The following SNX9 variants were observed in gnomAD, a reference collection of about 807,000 sequenced individuals.
The protein encoded by SNX9 is sorting nexin 9, also known as sorting nexin-9.
In SNX9, 44 loss-of-function variants were observed where a neutral mutation model predicts 89.4. The ratio of observed to expected loss-of-function variants is 0.49; its 90% CI spans 0.39 to 0.63. SNX9 has a LOEUF of 0.63. Among genes scored for constraint, SNX9 ranks in the 30% least tolerant of loss-of-function variants. SNX9 has a pLI of 0.00. For missense variants in SNX9, 578 were observed against 736.1 expected (o/e 0.79, Z 2.49); for synonymous variants, 236 against 247.8 (o/e 0.95, Z 0.45).
chr6:157,936,999 CAT>C (rs1301120816), intron 14 of SNX9, among the ~76,000 whole-genome samples: 1 of 152,100 alleles, frequency 6.6e-6, no homozygotes. Flanking sequence ...ATTTTAATAA[CAT>C]AGCTATTAAA....
At chr6:157,861,202 C>G (rs1782112461) in intron 1 of SNX9, among the ~76,000 whole-genome samples, 2 of 152,118 alleles carry the variant, frequency 1.3e-5, no homozygotes, top group Non-Finnish European at 2.9e-5. Flanking sequence ...GCTAGAACAA[C>G]TGTTAAAATG....
rs528372031 is a variant in SNX9, at chr6:157,896,107, A to G, written c.301-720A>G. ...GGAGTGCTCGTTCTAGATTGTAGGA[A>G]GGAGGCTGCCCAGATTCATGAATCT... is the stretch of plus-strand genomic sequence containing the variant. On this transcript the variant is annotated intron_variant, in intron 4 of 17. Transcript: ENST00000392185. Among the ~76,000 whole-genome samples, 179 of 152,318 alleles carry G rather than the reference A, an allele frequency of 1.2e-3. 2 individuals are homozygous for G. Among genetic ancestry groups the G allele is most frequent in the East Asian group, 2.7e-3 (14 of 5,192 alleles).
At chr6:157,870,704 C>T (rs1782386543) in intron 2 of SNX9, among the ~76,000 whole-genome samples, 1 of 149,288 alleles carries the variant, frequency 6.7e-6, no homozygotes, top group African/African-American at 2.5e-5. Context: ...ATAGTCTCAC[C>T]TGCTCTCATA....
In SNX9 at chr6:157,883,845, C is replaced by T. The variant is rs184984018; in HGVS notation, c.300+8669C>T. 1.2e-3 allele frequency among the ~76,000 whole-genome samples: 176 copies of T among 152,280 alleles called. 1 individual carries two copies. Among genetic ancestry groups the T allele is most frequent in the Admixed American group, 2.0e-3 (31 of 15,296 alleles). On this transcript the variant is annotated intron_variant, in intron 4 of 17. Transcript: ENST00000392185. Reference sequence around the variant, plus strand: ...TGGATTCCCTTAGCACAATTTGTGACTCTTATACAAATTATATTGCTTATT... The same window carrying T: ...TGGATTCCCTTAGCACAATTTGTGATTCTTATACAAATTATATTGCTTATT...
At chr6:157,891,088 G>C (rs1045975521) in intron 4 of SNX9, among the ~76,000 whole-genome samples, 2 of 136,532 alleles carry the variant, frequency 1.5e-5, no homozygotes, top group African/African-American at 5.6e-5. Flanking sequence ...CTGGAGTGTA[G>C]TGGTGTGAAC....
chr6:157,932,298 G>A (rs772176079), intron 13 of SNX9, 26 bp downstream of exon 13: 5 of 1,608,102 alleles, frequency 3.1e-6, no homozygotes, highest in Admixed American at 3.3e-5. Context: ...TTCATCCAGT[G>A]GGCCTTTAGA....
chr6:157,879,538 A>C (rs1583213993), intron 4 of SNX9, among the ~76,000 whole-genome samples: 1 of 152,366 alleles, frequency 6.6e-6, no homozygotes, highest in Non-Finnish European at 1.5e-5. Context: ...TACCCAGATA[A>C]GGACAACCAT....
intron 1 of SNX9, 74 bp from the exon 2 acceptor site, chr6:157,867,473 A>ACTGT: frequency 8.3e-7 from 1 of 1,197,684 alleles, no homozygotes. Context: ...TTAGAAAGTG[A>ACTGT]ACTGTACACC....
chr6:157,924,925 A>T (rs1783658792), intron 10 of SNX9, among the ~76,000 whole-genome samples: 1 of 152,252 alleles, frequency 6.6e-6, no homozygotes, highest in Non-Finnish European at 1.5e-5. Context: ...GCAGATTTAA[A>T]TGTGAAAAGC....
intron 17 of SNX9, 79 bp from the exon 18 acceptor site, chr6:157,942,712 T>G: frequency 2.8e-6 from 4 of 1,434,300 alleles, no homozygotes; most frequent in Non-Finnish European, 3.9e-6. Context: ...TTTAACTTGT[T>G]GGAGTTGTGA....
chr6:157,915,640 A>AAAATATATATATATATAT (rs1472422303), intron 9 of SNX9, among the ~76,000 whole-genome samples: 217 of 94,620 alleles, frequency 2.3e-3, no homozygotes, highest in Non-Finnish European at 3.7e-3. Flanking sequence ...AAAAAAAAAA[A>AAAATATATATATATATAT]ATATATATAT....
Position 157,937,643 on chromosome 6 carries a change from TAGAA to T in SNX9, c.1533+123_1533+126del, listed in dbSNP as rs1783953781. ...AAAAGAAACAATCTATAATTCCCAT[TAGAA>T]AGGTTTTGTAACTGAATTTTGACAT... On this transcript the variant is annotated intron_variant, in intron 15 of 17. Coordinates refer to ENST00000392185, the MANE Select transcript of SNX9 (RefSeq NM_016224.5). The T allele has an allele frequency of 5.7e-6, 4 of 707,536 alleles. No homozygotes were observed. The South Asian group carries it at 8.4e-5, about 15-fold the overall frequency. The allele number at this position is 707,536 out of a possible 1,614,324, so 43.8% of individuals were successfully genotyped here.
intron 15 of SNX9, among the ~76,000 whole-genome samples, chr6:157,938,205 C>G (rs1783964838): frequency 6.6e-6 from 1 of 152,230 alleles, no homozygotes; most frequent in Non-Finnish European, 1.5e-5. Context: ...AATCAGCACA[C>G]TTAGGCACTA....
chr6:157,917,230 A>G (rs1783490736), intron 9 of SNX9, among the ~76,000 whole-genome samples: 1 of 151,814 alleles, frequency 6.6e-6, no homozygotes, highest in Admixed American at 6.5e-5. Context: ...TTCATTTCTG[A>G]TTTTGATCAT....
chr6:157,844,600 G>GTTTTTTTTT (rs34836632), intron 1 of SNX9, among the ~76,000 whole-genome samples: 1 of 131,804 alleles, frequency 7.6e-6, no homozygotes, highest in African/African-American at 2.8e-5. Context: ...TTTTTTTTTT[G>GTTTTTTTTT]TTTTTTTTTT....
chr6:157,830,240 G>A (rs1781455845), intron 1 of SNX9: 1 of 152,018 alleles, frequency 6.6e-6, no homozygotes, highest in Non-Finnish European at 1.5e-5. Context: ...AAAATGAATT[G>A]GAATTTCCAT....
At chr6:157,899,704 G>C (rs1173684371) in intron 5 of SNX9, among the ~76,000 whole-genome samples, 2 of 152,090 alleles carry the variant, frequency 1.3e-5, no homozygotes, top group Non-Finnish European at 2.9e-5. Context: ...AACCCAGGAG[G>C]CGGAGCTTGC....
chr6:157,927,523 C>T (rs994290003), intron 11 of SNX9, among the ~76,000 whole-genome samples: 2 of 152,136 alleles, frequency 1.3e-5, no homozygotes, highest in Non-Finnish European at 2.9e-5. Context: ...AAAACCCACT[C>T]AATATTCAGA....
chr6:157,874,813 A>G (rs1583211698), intron 3 of SNX9: 2 of 362,494 alleles, frequency 5.5e-6, no homozygotes, highest in Admixed American at 4.7e-5. Flanking sequence ...TGAACAATCC[A>G]CTTCTAAATA....
Sources: allele counts gnomAD v4.1 joint callset (sites outside exome capture counted in the v4.1 genomes callset), GRCh38; gene constraint gnomAD v4.1.1; transcripts MANE v1.5; gene names NCBI Gene and HGNC (gene_info 2026-07-23, HGNC 2026-07-21).